Variants in BICD1 observed in about 807,000 individuals in gnomAD.
BICD1 encodes protein bicaudal D homolog 1.
In BICD1, 35 loss-of-function variants were observed where a neutral mutation model predicts 92.5. The ratio of observed to expected loss-of-function variants is 0.38; its 90% CI spans 0.29 to 0.50. The LOEUF (loss-of-function observed/expected upper bound fraction) is 0.50, where lower values mean the gene tolerates loss of function less well. Among genes scored for constraint, BICD1 ranks in the 20% least tolerant of loss-of-function variants. The pLI is 0.93. For synonymous variants in BICD1, 429 were observed against 465.1 expected (o/e 0.92, Z 1.00); for missense variants, 950 against 1,189.8 (o/e 0.80, Z 2.97).
intron 1 of BICD1, among the ~76,000 whole-genome samples, chr12:32,163,931 A>G (rs1012568339): frequency 2.0e-5 from 3 of 152,230 alleles, no homozygotes; most frequent in African/African-American, 7.2e-5. Flanking sequence ...TCAACTAAAT[A>G]TGCTAAAGCC....
chr12:32,299,098 C>A (rs1387320044), intron 3 of BICD1, among the ~76,000 whole-genome samples: 1 of 152,026 alleles, frequency 6.6e-6, no homozygotes, highest in Admixed American at 6.6e-5. Context: ...TTAGGTTTGG[C>A]AACACAGGGA....
chr12:32,177,441 CT>C (rs148215433), intron 1 of BICD1, among the ~76,000 whole-genome samples: 253 of 136,412 alleles, frequency 1.9e-3, no homozygotes, highest in African/African-American at 2.1e-3. Flanking sequence ...GTTTCTGGGA[CT>C]TTTTTTTTTT....
intron 2 of BICD1, among the ~76,000 whole-genome samples, chr12:32,258,839 G>A (rs1469716132): frequency 6.6e-6 from 1 of 152,208 alleles, no homozygotes; most frequent in Non-Finnish European, 1.5e-5. Flanking sequence ...AGGAGTACGG[G>A]AGGAACATGA....
intron 1 of BICD1, among the ~76,000 whole-genome samples, chr12:32,198,160 G>T (rs567637037): frequency 2.0e-5 from 3 of 151,588 alleles, no homozygotes; most frequent in African/African-American, 7.3e-5. Context: ...AGCTGAGATC[G>T]TGCCATTGTA....
At chr12:32,335,386 A>G (rs945358467) in intron 6 of BICD1, among the ~76,000 whole-genome samples, 7 of 151,700 alleles carry the variant, frequency 4.6e-5, no homozygotes, top group East Asian at 1.9e-4. Flanking sequence ...TCCTGACCTC[A>G]TGATCTGCCC....
intron 2 of BICD1, among the ~76,000 whole-genome samples, chr12:32,226,573 A>T (rs1464587839): frequency 6.6e-6 from 1 of 152,200 alleles, no homozygotes; most frequent in African/African-American, 2.4e-5. Context: ...GCATATCACC[A>T]ACCAGGCATG....
chr12:32,335,083 C>T (rs1938045147), intron 6 of BICD1, among the ~76,000 whole-genome samples: 2 of 152,034 alleles, frequency 1.3e-5, no homozygotes, highest in African/African-American at 4.8e-5. Context: ...AAGTGCCTTA[C>T]CTTTAGTACT....
chr12:32,126,283 C>T (rs1306135981), intron 1 of BICD1, among the ~76,000 whole-genome samples: 2 of 151,906 alleles, frequency 1.3e-5, no homozygotes, highest in South Asian at 4.2e-4. Flanking sequence ...GACTTCATAC[C>T]CCACCAATGG....
intron 1 of BICD1, among the ~76,000 whole-genome samples, chr12:32,111,752 C>G (rs1941703208): frequency 1.3e-5 from 2 of 151,962 alleles, no homozygotes; most frequent in Admixed American, 1.3e-4. Context: ...AGACTACACG[C>G]ATTCACCACC....
chr12:32,301,232 T>A (rs907510788), intron 3 of BICD1, among the ~76,000 whole-genome samples: 1 of 152,210 alleles, frequency 6.6e-6, no homozygotes, highest in Admixed American at 6.5e-5. Context: ...TTGAGATTCC[T>A]ATAATCAGAG....
chr12:32,172,546 C>T (rs11051830), intron 1 of BICD1, among the ~76,000 whole-genome samples: 1 of 152,124 alleles, frequency 6.6e-6, no homozygotes, highest in African/African-American at 2.4e-5. Context: ...CCCCTATTCT[C>T]TTATCAGTCA....
chr12:32,167,075 A>G (rs991535494), intron 1 of BICD1, among the ~76,000 whole-genome samples: 1 of 152,220 alleles, frequency 6.6e-6, no homozygotes. Context: ...TATTGCCTTT[A>G]TAATAACATA....
chr12:32,350,758 T>C (rs1020464603), intron 8 of BICD1, among the ~76,000 whole-genome samples: 2 of 152,326 alleles, frequency 1.3e-5, no homozygotes, highest in East Asian at 1.9e-4. Flanking sequence ...CTGAAAGGTA[T>C]GAGAGGAAAA....
chr12:32,359,361 G>C (rs1939233886), intron 8 of BICD1, among the ~76,000 whole-genome samples: 1 of 152,062 alleles, frequency 6.6e-6, no homozygotes, highest in Admixed American at 6.5e-5. Flanking sequence ...TGGAGGCTGA[G>C]AAGTCCAAGG....
In BICD1 at chr12:32,382,330, A is replaced by T. The variant is rs939203525; in HGVS notation, c.*4703A>T. On this transcript the variant is annotated 3_prime_UTR_variant, in exon 10 of 10. Transcript: ENST00000652176. ...CTACTTAAGAAGAAGAAGAGCAATTAACTGCCTTTAGTGTAAGGGCGAGAG... is the reference window on the plus strand; with the variant it reads ...CTACTTAAGAAGAAGAAGAGCAATTTACTGCCTTTAGTGTAAGGGCGAGAG... 2.6e-5 allele frequency: 4 copies of T among 152,140 alleles called. No homozygotes were observed. The highest frequency in any genetic ancestry group is 7.2e-5 in the African/African-American group (3 of 41,470). 9.4% of individuals were successfully genotyped at this position (152,140 alleles called of 1,614,324 possible).
Position 32,221,150 on chromosome 12 carries a change from G to A in BICD1, c.426+4691G>A, listed in dbSNP as rs868061039. ...GGAGATACACCTAATGCTAAATGAC[G>A]AGTTAATGGGTGCAGCACACCAGCA... On this transcript the variant is annotated intron_variant, in intron 2 of 9. Transcript: ENST00000652176. Among the ~76,000 whole-genome samples the A allele has an allele frequency of 4.0e-5, 6 of 150,624 alleles. No individual in the cohort carries two copies. In the East Asian group the frequency reaches 9.8e-4, roughly 25 times the overall value.
At chr12:32,247,633 G>T (rs944475731) in intron 2 of BICD1, among the ~76,000 whole-genome samples, 5 of 151,878 alleles carry the variant, frequency 3.3e-5, no homozygotes, top group African/African-American at 1.2e-4. Flanking sequence ...ACAAAAATTA[G>T]CTGGGTGTGG....
At chr12:32,161,331 C>T (rs1432404420) in intron 1 of BICD1, among the ~76,000 whole-genome samples, 8 of 152,138 alleles carry the variant, frequency 5.3e-5, no homozygotes, top group East Asian at 3.8e-4. Flanking sequence ...ACACAGACTC[C>T]GTTAATGGTA....
At chr12:32,321,192 G>A (rs1410061123) in intron 4 of BICD1, among the ~76,000 whole-genome samples, 2 of 152,082 alleles carry the variant, frequency 1.3e-5, no homozygotes, top group Non-Finnish European at 2.9e-5. Flanking sequence ...CGGGCGTGGT[G>A]GCACGTCCCT....
Sources: allele counts gnomAD v4.1 joint callset (sites outside exome capture counted in the v4.1 genomes callset), GRCh38; gene constraint gnomAD v4.1.1; transcripts MANE v1.5; gene names NCBI Gene and HGNC (gene_info 2026-07-23, HGNC 2026-07-21).